Variants in YEATS2 observed in about 807,000 individuals in gnomAD.
The protein encoded by YEATS2 is YEATS domain containing 2.
A neutral mutation model predicts 163.2 loss-of-function variants in YEATS2; 77 were observed. The ratio of observed to expected loss-of-function variants is 0.47; its 90% CI spans 0.39 to 0.57. The LOEUF is 0.57. Among genes scored for constraint, YEATS2 ranks in the 20% least tolerant of loss-of-function variants. YEATS2 has a pLI of 0.00. For synonymous variants in YEATS2, 631 were observed against 645.1 expected (o/e 0.98, Z 0.33); for missense variants, 1,549 against 1,729.8 (o/e 0.90, Z 1.85).
At position 183,768,784 on chromosome 3, in the gene YEATS2, C is replaced by G. The variant is rs370773464; in HGVS notation, c.1948-3521C>G. The stretch of plus-strand genomic sequence containing the variant: ...GGTCGGGAGTTCAAGATCAGCCTGA[C>G]CAGCATGGAGAAACCCCGTCTCTAC... On this transcript the variant is annotated intron_variant, in intron 15 of 30. Coordinates refer to ENST00000305135, the MANE Select transcript of YEATS2 (RefSeq NM_018023.5). 1.2e-4 allele frequency among the ~76,000 whole-genome samples: 18 copies of G among 152,202 alleles called. 1 individual carries two copies. Among genetic ancestry groups the G allele is most frequent in the Admixed American group, 5.2e-4 (8 of 15,282 alleles).
rs577875640 is a variant in YEATS2, at chr3:183,753,349, T to C, written c.1151-777T>C. ...TAAAATTGATCTTAAATGTTTTATTTCTAAGCCTATATTTTAATGTGGTTA... is the reference window on the plus strand; with the variant it reads ...TAAAATTGATCTTAAATGTTTTATTCCTAAGCCTATATTTTAATGTGGTTA... On this transcript the variant is annotated intron_variant, in intron 10 of 30. Coordinates refer to ENST00000305135, the MANE Select transcript of YEATS2 (RefSeq NM_018023.5). Among the ~76,000 whole-genome samples, 8 of 152,366 alleles carry C rather than the reference T, an allele frequency of 5.3e-5. No individual in the cohort carries two copies. In the South Asian group the frequency reaches 8.3e-4, roughly 16 times the overall value.
intron 1 of YEATS2, among the ~76,000 whole-genome samples, chr3:183,706,374 T>G (rs901936918): frequency 2.6e-5 from 4 of 152,122 alleles, no homozygotes; most frequent in Admixed American, 2.6e-4. Context: ...GGAAATTTGT[T>G]CTAAATGTTA....
At chr3:183,730,499 C>T (rs1344801978) in intron 7 of YEATS2, among the ~76,000 whole-genome samples, 3 of 152,178 alleles carry the variant, frequency 2.0e-5, no homozygotes, top group African/African-American at 7.2e-5. Flanking sequence ...GAGAACTCTG[C>T]TGCTTCTTTA....
Position 183,798,868 on chromosome 3 carries a change from C to T in YEATS2, c.3227-23C>T, listed in dbSNP as rs748193210. ...AAATAATTTTTGTATTTGTTATATC[C>T]CTCCCTCCTTTTTTCCCTTTAGTGG... On this transcript the variant is annotated intron_variant, in intron 22 of 30. Coordinates refer to ENST00000305135, the MANE Select transcript of YEATS2 (RefSeq NM_018023.5). 3.6e-5 allele frequency: 56 copies of T among 1,556,022 alleles called. No individual in the cohort carries two copies. The Admixed American group carries it at 9.0e-4, about 25-fold the overall frequency.
chr3:183,706,850 C>G (rs1440257032), intron 1 of YEATS2, among the ~76,000 whole-genome samples: 1 of 152,076 alleles, frequency 6.6e-6, no homozygotes, highest in Non-Finnish European at 1.5e-5. Flanking sequence ...CATTGGTAAT[C>G]CAAAAATCTG....
chr3:183,756,394 C>A (rs139257471), intron 11 of YEATS2, 134 bp from the exon 12 acceptor site: 9,168 of 759,440 alleles, frequency 0.012, 97 homozygotes, highest in Middle Eastern at 0.025. Flanking sequence ...ACCGGGAGCA[C>A]GCAGTATCCA....
chr3:183,732,537 T>G (rs902140904), intron 7 of YEATS2, among the ~76,000 whole-genome samples: 1 of 151,962 alleles, frequency 6.6e-6, no homozygotes, highest in African/African-American at 2.4e-5. Flanking sequence ...CATTTTGTGT[T>G]TTTTAAAATT....
In YEATS2 at chr3:183,755,850, G is replaced by A. The variant is rs561668049; in HGVS notation, c.1391-678G>A. Among the ~76,000 whole-genome samples, 179 of 143,222 alleles carry A rather than the reference G, an allele frequency of 1.2e-3. 1 individual carries two copies. Among genetic ancestry groups the A allele is most frequent in the African/African-American group, 4.4e-3 (170 of 38,254 alleles). 94.0% of individuals were successfully genotyped at this position (143,222 alleles called of 152,430 possible). A position where few individuals can be genotyped will look rare whatever the true frequency, so the allele number is the denominator to read the frequency against. ...CTCACTCCGCCACCCGGGTTCAAGC[G>A]ATTCTCCTGCCTCAGCCTCTCGAGG... On this transcript the variant is annotated intron_variant, in intron 11 of 30. Coordinates refer to ENST00000305135, the MANE Select transcript of YEATS2 (RefSeq NM_018023.5).
At position 183,790,734 on chromosome 3, in the gene YEATS2, G is replaced by A. The variant is rs553565613; in HGVS notation, c.2914-63G>A. ...GTGTGTGTGCTGTGTGGCCGTCACC[G>A]CCGTCAGTCATCACTCTGCTTTCTT... On this transcript the variant is annotated intron_variant, in intron 20 of 30. Coordinates refer to ENST00000305135, the MANE Select transcript of YEATS2 (RefSeq NM_018023.5). 22 of 1,565,018 alleles carry A rather than the reference G, an allele frequency of 1.4e-5. No homozygotes were observed. The African/African-American group carries it at 2.4e-4, about 17-fold the overall frequency.
chr3:183,707,723 A>T lies in YEATS2; in HGVS notation c.-19-7421A>T, dbSNP rs999016140. Among the ~76,000 whole-genome samples the T allele has an allele frequency of 1.3e-4, 17 of 127,994 alleles. No individual in the cohort carries two copies. In the Admixed American group the frequency reaches 1.4e-3, roughly 10 times the overall value. The allele number at this position is 127,994 out of a possible 152,430, so 84.0% of individuals were successfully genotyped here. On this transcript the variant is annotated intron_variant, in intron 1 of 30. Coordinates refer to ENST00000305135, the MANE Select transcript of YEATS2 (RefSeq NM_018023.5). ...TTTTGAGACGAAGTCTCACTCTGTC[A>T]CCCAGGCTGGAGTGCAGTGGCGCAA... is the stretch of plus-strand genomic sequence containing the variant.
intron 18 of YEATS2, among the ~76,000 whole-genome samples, chr3:183,776,923 G>A (rs1045740835): frequency 6.6e-6 from 1 of 150,764 alleles, no homozygotes; most frequent in Non-Finnish European, 1.5e-5. Flanking sequence ...TGGTACTCCA[G>A]CCTGGGGGAA....
At chr3:183,706,769 T>C (rs1359944376) in intron 1 of YEATS2, among the ~76,000 whole-genome samples, 2 of 152,150 alleles carry the variant, frequency 1.3e-5, no homozygotes, top group Non-Finnish European at 2.9e-5. Flanking sequence ...CGAGCTGAGA[T>C]TGTGCCATTG....
At chr3:183,790,243 T>A (rs1724479824) in intron 20 of YEATS2, among the ~76,000 whole-genome samples, 1 of 152,214 alleles carries the variant, frequency 6.6e-6, no homozygotes, top group Non-Finnish European at 1.5e-5. Flanking sequence ...AAGCAGTGCC[T>A]TTCTTCTTGG....
intron 1 of YEATS2, among the ~76,000 whole-genome samples, chr3:183,711,389 C>T (rs137955358): frequency 0.14 from 20,487 of 148,426 alleles, 1,805 homozygotes; most frequent in South Asian, 0.2. Context: ...AGGAGAATGG[C>T]GTGAACCCGG....
intron 15 of YEATS2, among the ~76,000 whole-genome samples, chr3:183,770,650 A>G (rs1402615305): frequency 6.6e-6 from 1 of 152,204 alleles, no homozygotes; most frequent in African/African-American, 2.4e-5. Flanking sequence ...AAGCACTGTC[A>G]TGGCTTTGAT....
intron 15 of YEATS2, among the ~76,000 whole-genome samples, chr3:183,768,655 T>C (rs1722154009): frequency 6.6e-6 from 1 of 152,124 alleles, no homozygotes; most frequent in East Asian, 1.9e-4. Flanking sequence ...ACAGAAACTC[T>C]ACAGGTCCCC....
At chr3:183,762,475 G>A (rs1180553794) in intron 15 of YEATS2, among the ~76,000 whole-genome samples, 196 bp downstream of exon 15, 1 of 152,204 alleles carries the variant, frequency 6.6e-6, no homozygotes, top group Admixed American at 6.5e-5. Flanking sequence ...CAAGAGCCGC[G>A]TTATGTATTG....
intron 7 of YEATS2, among the ~76,000 whole-genome samples, chr3:183,732,605 G>C (rs940786726): frequency 2.6e-5 from 4 of 151,336 alleles, no homozygotes; most frequent in Admixed American, 1.3e-4. Flanking sequence ...TGCTGCCCAG[G>C]CTGGAGTGCA....
rs1421225603 is a variant in YEATS2 at position 183,771,772 on chromosome 3, G to C, written c.1948-533G>C. 5.7e-4 allele frequency among the ~76,000 whole-genome samples: 84 copies of C among 146,576 alleles called. No homozygotes were observed. The Middle Eastern group carries it at 0.021, about 36-fold the overall frequency. On this transcript the variant is annotated intron_variant, in intron 15 of 30. Coordinates refer to ENST00000305135, the MANE Select transcript of YEATS2 (RefSeq NM_018023.5). ...GACAGAGTCTCACTCTGTCACCCAG[G>C]CTGGAGTGCAGTGGCATGATCTTGG...
Sources: gnomAD v4.1 joint callset for allele counts (sites outside exome capture counted in the v4.1 genomes callset) on GRCh38, gnomAD v4.1.1 for gene constraint, MANE v1.5 for transcripts, NCBI Gene and HGNC (gene_info 2026-07-23, HGNC 2026-07-21) for gene names.